The following UBR3 variants were observed in gnomAD, a reference collection of about 807,000 sequenced individuals.
UBR3 encodes ubiquitin protein ligase E3 component n-recognin 3.
A neutral mutation model predicts 243.2 loss-of-function variants in UBR3; 85 were observed. The observed-to-expected ratio is 0.35, with a 90% confidence interval of 0.29 to 0.42. The LOEUF is 0.42. Ranked by LOEUF, UBR3 falls within the 10% of genes least tolerant of loss-of-function variation. UBR3 has a pLI of 1.00. For missense variants in UBR3, 1,686 were observed against 2,300.8 expected, an observed-to-expected ratio of 0.73 and a Z score of 5.47; for synonymous variants, 748 against 799.8, an observed-to-expected ratio of 0.94 and a Z score of 1.09.
intron 24 of UBR3, among the ~76,000 whole-genome samples, chr2:169,970,236 T>TG (rs889331690): frequency 4.8e-5 from 2 of 41,534 alleles, no homozygotes; most frequent in Non-Finnish European, 7.9e-5. Flanking sequence ...TGTTCCTAGG[T>TG]TTTTTTTTTT....
At chr2:169,962,479 G>A (rs945829029) in intron 24 of UBR3, among the ~76,000 whole-genome samples, 1 of 152,008 alleles carries the variant, frequency 6.6e-6, no homozygotes, top group Admixed American at 6.6e-5. Flanking sequence ...CCTCAGAAAC[G>A]GTTTGAGATA....
chr2:169,942,128 T>A (rs940443415), intron 19 of UBR3, among the ~76,000 whole-genome samples: 7 of 152,240 alleles, frequency 4.6e-5, no homozygotes, highest in African/African-American at 1.7e-4. Context: ...TTATCCAGCT[T>A]TTCCAACCAT....
At position 169,896,640 on chromosome 2, in the gene UBR3, C is replaced by T; in HGVS notation, c.1370C>T (p.Ala457Val). Residue 457 changes from alanine (A) to valine (V), a missense_variant, in exon 8 of 39, where the codon GCC becomes GTC. Ala to Val is a moderately conservative substitution (Grantham distance 64). Transcript: ENST00000272793. ...CAGTTGTTCAGCAATGAGGAGCTAGCCAGACAGGTAACAGAAGAATGTCAG... is the reference window on the plus strand; with the variant it reads ...CAGTTGTTCAGCAATGAGGAGCTAGTCAGACAGGTAACAGAAGAATGTCAG... ...SVQLFSNEEL[A>V]RQVTEECQLL... 6.4e-7 allele frequency: 1 copy of T among 1,551,204 alleles called. No individual in the cohort carries two copies. Among genetic ancestry groups the T allele is most frequent in the Admixed American group, 2.0e-5 (1 of 50,978 alleles).
intron 1 of UBR3, among the ~76,000 whole-genome samples, chr2:169,840,811 T>C (rs972797614): frequency 6.6e-6 from 1 of 152,112 alleles, no homozygotes; most frequent in Non-Finnish European, 1.5e-5. Context: ...GAAGGCTGCT[T>C]ACTGCTTGTT....
At chr2:169,963,124 G>T (rs566747184) in intron 24 of UBR3, among the ~76,000 whole-genome samples, 1 of 152,220 alleles carries the variant, frequency 6.6e-6, no homozygotes, top group South Asian at 2.1e-4. Context: ...TGGATGATCC[G>T]TTTTTTCTGT....
At chr2:169,950,359 T>A (rs190324418) in intron 23 of UBR3, among the ~76,000 whole-genome samples, 4 of 152,222 alleles carry the variant, frequency 2.6e-5, no homozygotes, top group Middle Eastern at 3.4e-3. Flanking sequence ...ATAATTCTCT[T>A]ACTGTTAAAG....
At chr2:169,980,530 C>T (rs2088673150) in intron 24 of UBR3, among the ~76,000 whole-genome samples, 1 of 151,934 alleles carries the variant, frequency 6.6e-6, no homozygotes, top group Non-Finnish European at 1.5e-5. Context: ...TCTGTGTTCC[C>T]TTGTTTATTT....
At chr2:169,961,556 T>A (rs748322336) in intron 24 of UBR3, among the ~76,000 whole-genome samples, 14 of 152,184 alleles carry the variant, frequency 9.2e-5, no homozygotes, top group Non-Finnish European at 1.8e-4. Context: ...TAGTCTACTC[T>A]CACACTTGAT....
At chr2:169,921,848 C>T (rs1009700466) in intron 11 of UBR3, among the ~76,000 whole-genome samples, 2 of 151,802 alleles carry the variant, frequency 1.3e-5, no homozygotes, top group African/African-American at 2.4e-5. Context: ...AAAAATTAGC[C>T]GGTGTGGTAA....
At chr2:170,081,673 A>G in intron 38 of UBR3, 53 bp from the exon 39 acceptor site, 3 of 1,316,910 alleles carry the variant, frequency 2.3e-6, no homozygotes, top group Non-Finnish European at 3.1e-6. Context: ...AAAGAAATGC[A>G]TGTGAAATCT....
intron 5 of UBR3, among the ~76,000 whole-genome samples, chr2:169,883,612 A>G (rs1411050459): frequency 6.6e-6 from 1 of 152,218 alleles, no homozygotes; most frequent in East Asian, 1.9e-4. Context: ...TGATAATCCA[A>G]TAGTGGGTAG....
intron 26 of UBR3, among the ~76,000 whole-genome samples, chr2:170,000,126 CA>C (rs201415377): frequency 3.1e-4 from 38 of 123,698 alleles, no homozygotes; most frequent in African/African-American, 6.3e-4. Context: ...AACTTAATCT[CA>C]AAAAAAAAAA....
intron 5 of UBR3, among the ~76,000 whole-genome samples, chr2:169,880,626 G>A (rs754895430): frequency 2.0e-5 from 3 of 152,188 alleles, no homozygotes. Context: ...GTGTGCACGT[G>A]TGTGTGTATT....
chr2:169,900,046 G>C (rs1366553587), intron 8 of UBR3, among the ~76,000 whole-genome samples: 1 of 152,154 alleles, frequency 6.6e-6, no homozygotes, highest in African/African-American at 2.4e-5. Flanking sequence ...GGTATTTCTA[G>C]TTCTAGATCC....
chr2:170,052,963 A>C (rs1031303790), intron 32 of UBR3, among the ~76,000 whole-genome samples: 3 of 152,240 alleles, frequency 2.0e-5, no homozygotes, highest in African/African-American at 7.2e-5. Context: ...ACCTTCAATA[A>C]TATAATTTTT....
chr2:169,912,489 A>G (rs1231266835), intron 10 of UBR3, among the ~76,000 whole-genome samples: 3 of 151,992 alleles, frequency 2.0e-5, no homozygotes, highest in Admixed American at 6.6e-5. Context: ...GACTTCTTTC[A>G]CTCAATGTAA....
chr2:169,939,489 G>C (rs546730382), intron 19 of UBR3, among the ~76,000 whole-genome samples: 3 of 149,572 alleles, frequency 2.0e-5, no homozygotes, highest in Non-Finnish European at 3.0e-5. Flanking sequence ...GGATGGTCTC[G>C]ATCTCCTGAC....
At chr2:169,985,871 A>G (rs903127867) in intron 24 of UBR3, among the ~76,000 whole-genome samples, 1 of 152,088 alleles carries the variant, frequency 6.6e-6, no homozygotes, top group South Asian at 2.1e-4. Context: ...ATTTACTTAG[A>G]TGTGCCTCCA....
At chr2:169,892,823 C>A (rs77272761) in intron 6 of UBR3, among the ~76,000 whole-genome samples, 6,625 of 152,206 alleles carry the variant, frequency 0.044, 165 homozygotes, top group Middle Eastern at 0.068. Context: ...GTTCTCTAAA[C>A]CTGCATTTTA....
Sources: allele counts gnomAD v4.1 joint callset (sites outside exome capture counted in the v4.1 genomes callset), GRCh38; gene constraint gnomAD v4.1.1; transcripts MANE v1.5; gene names NCBI Gene and HGNC (gene_info 2026-07-23, HGNC 2026-07-21).